The following ROCK1 variants were observed in gnomAD, a reference collection of about 807,000 sequenced individuals.
ROCK1 encodes Rho associated coiled-coil containing protein kinase 1, also known as rho-associated protein kinase 1.
A neutral mutation model predicts 196.8 loss-of-function variants in ROCK1; 36 were observed. That is an observed-to-expected ratio of 0.18 (90% CI 0.14 to 0.24). The LOEUF is 0.24. Among genes scored for constraint, ROCK1 ranks in the 10% least tolerant of loss-of-function variants. ROCK1 has a pLI of 1.00. For synonymous variants in ROCK1, 443 were observed against 515.9 expected, an observed-to-expected ratio of 0.86 and a Z score of 1.91; for missense variants, 920 against 1,562.0, an observed-to-expected ratio of 0.59 and a Z score of 6.93.
At chr18:21,038,520 A>T (rs2036076780) in intron 9 of ROCK1, among the ~76,000 whole-genome samples, 1 of 152,204 alleles carries the variant, frequency 6.6e-6, no homozygotes, top group Admixed American at 6.5e-5. Flanking sequence ...ATGCTTCACT[A>T]ATATTAGCAA....
intron 1 of ROCK1, among the ~76,000 whole-genome samples, chr18:21,086,069 ATACATGTCATACATTCTTTGGT>A (rs1040506133): frequency 2.0e-5 from 3 of 152,008 alleles, no homozygotes; most frequent in Non-Finnish European, 4.4e-5. Flanking sequence ...GGAAAAATAA[ATACATGTCATACATTCTTTGGT>A]TAGTAGTAGT....
intron 1 of ROCK1, among the ~76,000 whole-genome samples, 186 bp downstream of exon 1, chr18:21,110,628 CCAGT>C (rs1042299753): frequency 2.0e-5 from 3 of 152,106 alleles, no homozygotes; most frequent in Admixed American, 2.0e-4. Context: ...TAGTACAGAG[CCAGT>C]CAAATGGCAA....
intron 1 of ROCK1, among the ~76,000 whole-genome samples, chr18:21,095,027 GCAACA>G (rs2036601419): frequency 7.2e-6 from 1 of 139,722 alleles, no homozygotes; most frequent in African/African-American, 2.8e-5. Context: ...TCCAGCCTGG[GCAACA>G]AGAGGGAAAC....
chr18:21,041,271 A>T lies in ROCK1; in HGVS notation c.959+826T>A, dbSNP rs1430076402. ...ACAGAGCAAAACCCTGTCTCTATTT[A>T]AAAAAAAAAAAAAAAAAAAAAAGTA... On this transcript the variant is annotated intron_variant, in intron 8 of 32. Transcript: ENST00000399799. Among the ~76,000 whole-genome samples the T allele has an allele frequency of 9.1e-3, 1,130 of 123,800 alleles. 51 individuals carry two copies. Among genetic ancestry groups the T allele is most frequent in the Admixed American group, 0.081 (1,013 of 12,518 alleles). 81.2% of individuals were successfully genotyped at this position (123,800 alleles called of 152,430 possible).
chr18:21,011,282 T>C lies in ROCK1; in HGVS notation c.1411-3088A>G, dbSNP rs555558800. Reference sequence around the variant, plus strand: ...GGGTTACCTGAACATTATTTTAGCATTCCTTTTGATTTAACTATGGTGTTT... The same window carrying C: ...GGGTTACCTGAACATTATTTTAGCACTCCTTTTGATTTAACTATGGTGTTT... On this transcript the variant is annotated intron_variant, in intron 13 of 32. Coordinates refer to ENST00000399799, the MANE Select transcript of ROCK1 (RefSeq NM_005406.3). Among the ~76,000 whole-genome samples the C allele has an allele frequency of 2.0e-5, 3 of 152,254 alleles. No homozygotes were observed. In the East Asian group the frequency reaches 5.8e-4, roughly 29 times the overall value.
At chr18:20,959,139 T>TTA (rs1375524894) in intron 29 of ROCK1, among the ~76,000 whole-genome samples, 22 of 62,652 alleles carry the variant, frequency 3.5e-4, no homozygotes, top group Non-Finnish European at 4.9e-4. Context: ...ATTATATATA[T>TTA]TATATAAAAT....
At chr18:20,966,787 A>T in intron 27 of ROCK1, 130 bp downstream of exon 27, 1 of 700,914 alleles carries the variant, frequency 1.4e-6, no homozygotes, top group Non-Finnish European at 2.4e-6. Flanking sequence ...GGCCTTGGCT[A>T]TCAGAAATAA....
chr18:21,096,142 TCTA>T (rs2036610760), intron 1 of ROCK1, among the ~76,000 whole-genome samples: 1 of 152,096 alleles, frequency 6.6e-6, no homozygotes, highest in Non-Finnish European at 1.5e-5. Flanking sequence ...AATACATATA[TCTA>T]CTATGTTCCC....
intron 10 of ROCK1, among the ~76,000 whole-genome samples, chr18:21,027,966 T>G (rs1245279127): frequency 6.9e-6 from 1 of 145,160 alleles, no homozygotes; most frequent in Non-Finnish European, 1.5e-5. Flanking sequence ...TTTCACCGTG[T>G]TAGCCAGGAT....
At chr18:21,077,066 C>T (rs547881532) in intron 1 of ROCK1, among the ~76,000 whole-genome samples, 2 of 150,550 alleles carry the variant, frequency 1.3e-5, no homozygotes, top group Admixed American at 6.6e-5. Flanking sequence ...CTCCGCTTCC[C>T]GGGTTCACGC....
At chr18:20,987,147 A>G (rs778948275) in intron 18 of ROCK1, 37 bp from the exon 19 acceptor site, 1 of 1,587,844 alleles carries the variant, frequency 6.3e-7, no homozygotes, top group East Asian at 2.2e-5. Flanking sequence ...ACATTTAAAG[A>G]AAGAGTACTT....
At chr18:21,007,095 T>C (rs1217304697) in intron 14 of ROCK1, among the ~76,000 whole-genome samples, 1 of 152,160 alleles carries the variant, frequency 6.6e-6, no homozygotes, top group Non-Finnish European at 1.5e-5. Flanking sequence ...TATTTATTTT[T>C]CAAGAGTTCA....
intron 1 of ROCK1, among the ~76,000 whole-genome samples, chr18:21,084,603 G>T (rs1287171202): frequency 6.6e-6 from 1 of 152,104 alleles, no homozygotes; most frequent in Non-Finnish European, 1.5e-5. Context: ...AATCAGAAAA[G>T]AACAAGTGTT....
intron 29 of ROCK1, among the ~76,000 whole-genome samples, chr18:20,959,121 A>T (rs1264294423): frequency 5.8e-5 from 3 of 52,066 alleles, no homozygotes; most frequent in Non-Finnish European, 8.6e-5. Flanking sequence ...ATATTATATA[A>T]TATATATATT....
rs1392975911 is a variant in ROCK1, at chr18:21,033,032, G to C, written c.1052-4097C>G. 2.0e-5 allele frequency among the ~76,000 whole-genome samples: 3 copies of C among 151,918 alleles called. 1 individual carries two copies. In the East Asian group the frequency reaches 5.8e-4, roughly 29 times the overall value. On this transcript the variant is annotated intron_variant, in intron 9 of 32. Coordinates refer to ENST00000399799, the MANE Select transcript of ROCK1 (RefSeq NM_005406.3). ...AACATAGCAAGACCCCAGCTCTACA[G>C]AAAATTAAAAGAAAATTAGCCAGGT...
At chr18:21,076,755 C>T (rs1598554177) in intron 1 of ROCK1, among the ~76,000 whole-genome samples, 1 of 151,832 alleles carries the variant, frequency 6.6e-6, no homozygotes, top group East Asian at 1.9e-4. Flanking sequence ...AATTGGTGGA[C>T]TAGGAAGCTC....
chr18:21,013,709 G>A (rs2035838225), intron 13 of ROCK1, among the ~76,000 whole-genome samples: 1 of 152,126 alleles, frequency 6.6e-6, no homozygotes, highest in African/African-American at 2.4e-5. Flanking sequence ...AAGTTGGGGT[G>A]TGCTACAGCA....
intron 10 of ROCK1, among the ~76,000 whole-genome samples, chr18:21,026,475 G>C (rs931458036): frequency 3.7e-4 from 51 of 137,882 alleles, no homozygotes; most frequent in Non-Finnish European, 2.2e-4. Flanking sequence ...AAAAAAGAAT[G>C]CTTCAGCAAA....
intron 1 of ROCK1, among the ~76,000 whole-genome samples, chr18:21,100,523 C>T (rs981759395): frequency 2.7e-5 from 4 of 149,074 alleles, no homozygotes; most frequent in Admixed American, 6.7e-5. Flanking sequence ...GCAAGGATGA[C>T]ATAAATTGAC....
Sources: gnomAD v4.1 joint callset for allele counts (sites outside exome capture counted in the v4.1 genomes callset) on GRCh38, gnomAD v4.1.1 for gene constraint, MANE v1.5 for transcripts, NCBI Gene and HGNC (gene_info 2026-07-23, HGNC 2026-07-21) for gene names.